The following CEP350 variants were observed in gnomAD, a reference collection of about 807,000 sequenced individuals.
CEP350 encodes centrosome-associated protein 350.
A neutral mutation model predicts 331.8 loss-of-function variants in CEP350; 126 were observed. The observed-to-expected ratio is 0.38, with a 90% CI of 0.33 to 0.44. CEP350 has a LOEUF of 0.44. Among genes scored for constraint, CEP350 ranks in the 20% least tolerant of loss-of-function variants. CEP350 has a pLI of 1.00. For synonymous variants in CEP350, 1,200 were observed against 1,259.5 expected (o/e 0.95, Z 1.00); for missense variants, 3,406 against 3,634.6 (o/e 0.94, Z 1.62).
rs773795956 is a variant in CEP350, at chr1:180,015,834, G to A, written c.2053-15G>A. On this transcript the variant is annotated splice_polypyrimidine_tract_variant and intron_variant, in intron 10 of 37. Coordinates refer to ENST00000367607, the MANE Select transcript of CEP350 (RefSeq NM_014810.5). ...GTGACAGAACTCATATAAATTTGAT[G>A]TCCTTTTCTCCTAGGCCAAACCAGG... 3.7e-6 allele frequency: 6 copies of A among 1,609,140 alleles called. No homozygotes were observed. Among genetic ancestry groups the A allele is most frequent in the South Asian group, 1.1e-5 (1 of 90,304 alleles).
chr1:179,991,699 G>GTGTGTA (rs1653094608), intron 4 of CEP350, among the ~76,000 whole-genome samples: 1 of 131,968 alleles, frequency 7.6e-6, no homozygotes, highest in African/African-American at 2.8e-5. Flanking sequence ...GTGTGTGTGT[G>GTGTGTA]TGTGTGTGTA....
In CEP350 at chr1:180,013,872, T is replaced by C. The variant is rs1174387598; in HGVS notation, c.1419T>C (p.Ser473=). ...GGGGTCACATTGGAAGAGCAGAATCTGATCCCAGGTTGGACGTTTTACATA... is the reference window on the plus strand; with the variant it reads ...GGGGTCACATTGGAAGAGCAGAATCCGATCCCAGGTTGGACGTTTTACATA... ...KSGGHIGRAE[S]DPRLDVLHRH... The change falls in exon 10 of 38, where the codon TCT becomes TCC. Residue 473 remains serine (S), a synonymous_variant. Coordinates refer to ENST00000367607, the MANE Select transcript of CEP350 (RefSeq NM_014810.5). The C allele has an allele frequency of 1.2e-6, 2 of 1,611,702 alleles. No homozygotes were observed. Among genetic ancestry groups the C allele is most frequent in the Admixed American group, 1.7e-5 (1 of 59,606 alleles).
rs992750325 is a variant in CEP350 at position 179,970,043 on chromosome 1, A to G, written c.-14+14901A>G. 4.6e-5 allele frequency among the ~76,000 whole-genome samples: 7 copies of G among 152,148 alleles called. 1 individual carries two copies. The highest frequency in any genetic ancestry group is 3.9e-4 in the Admixed American group (6 of 15,268). On this transcript the variant is annotated intron_variant, in intron 1 of 37. Coordinates refer to ENST00000367607, the MANE Select transcript of CEP350 (RefSeq NM_014810.5). ...AGTGAGTAAGCAAAAGTGTAGGCCTATTTTTAGGGCTCCCCCCTTCTTTTG... is the reference window on the plus strand; with the variant it reads ...AGTGAGTAAGCAAAAGTGTAGGCCTGTTTTTAGGGCTCCCCCCTTCTTTTG...
intron 10 of CEP350, among the ~76,000 whole-genome samples, chr1:180,014,941 A>T (rs998616334): frequency 6.6e-6 from 1 of 152,224 alleles, no homozygotes; most frequent in African/African-American, 2.4e-5. Context: ...CACATATTTT[A>T]TATGTTGTCT....
rs1169570765 is a variant in CEP350, at chr1:180,084,195, AGGG to A, written c.6285+20_6285+22del. On this transcript the variant is annotated intron_variant, in intron 31 of 37. Coordinates refer to ENST00000367607, the MANE Select transcript of CEP350 (RefSeq NM_014810.5). ...CAGTTAGAGGTTAGACATAGGAAGA[AGGG>A]GGTTTAGTATCAAGGCTAATGTGTA... The A allele has an allele frequency of 1.1e-5, 18 of 1,568,256 alleles. No individual in the cohort carries two copies. Among genetic ancestry groups the A allele is most frequent in the Non-Finnish European group, 1.5e-5 (17 of 1,158,958 alleles).
At chr1:180,006,392 G>T in intron 7 of CEP350, 62 bp from the exon 8 acceptor site, 1 of 843,202 alleles carries the variant, frequency 1.2e-6, no homozygotes, top group East Asian at 2.7e-5. Flanking sequence ...TCCTATGGGC[G>T]GAGGATAAGT....
chr1:180,106,867 A>C (rs191680569), intron 37 of CEP350, among the ~76,000 whole-genome samples: 22 of 152,164 alleles, frequency 1.4e-4, no homozygotes, highest in Middle Eastern at 3.4e-3. Context: ...GAAAACCCCA[A>C]GACCAACCTG....
intron 22 of CEP350, among the ~76,000 whole-genome samples, chr1:180,049,059 A>G (rs1340242423): frequency 2.0e-5 from 3 of 152,076 alleles, no homozygotes; most frequent in Admixed American, 1.3e-4. Context: ...CAGAGCAAGA[A>G]CCTGTCTCAA....
At chr1:179,991,394 G>A (rs12135200) in intron 4 of CEP350, among the ~76,000 whole-genome samples, 227 of 140,992 alleles carry the variant, frequency 1.6e-3, no homozygotes, top group Middle Eastern at 4.0e-3. Context: ...TCTACTCACT[G>A]CAACCTCTAC....
In CEP350 at chr1:180,092,819, T is replaced by C; in HGVS notation, c.6714T>C (p.Thr2238=). Residue 2238 remains threonine, a synonymous_variant, in exon 34 of 38, where the codon ACT becomes ACC. Transcript: ENST00000367607. ...ALHLLKELNA[T]SRILDMSDGK... ...ATCTTCTCAAAGAATTAAATGCCAC[T>C]AGTAGAATTCTTGATATGTCAGATG... is the stretch of plus-strand genomic sequence containing the variant. The C allele has an allele frequency of 1.9e-6, 3 of 1,570,070 alleles. No homozygotes were observed. Among genetic ancestry groups the C allele is most frequent in the Non-Finnish European group, 2.6e-6 (3 of 1,155,948 alleles).
At chr1:180,034,673 C>T (rs1474540114) in intron 16 of CEP350, among the ~76,000 whole-genome samples, 5 of 152,044 alleles carry the variant, frequency 3.3e-5, no homozygotes, top group Non-Finnish European at 7.4e-5. Context: ...TGTTGTATTA[C>T]TAATTGTTTT....
At chr1:180,070,724 C>T (rs771027539) in intron 27 of CEP350, among the ~76,000 whole-genome samples, 1 of 152,164 alleles carries the variant, frequency 6.6e-6, no homozygotes, top group Admixed American at 6.5e-5. Flanking sequence ...AAATTGATGA[C>T]TTAAAGTTAT....
chr1:180,030,262 T>A (rs1655932064), intron 14 of CEP350, among the ~76,000 whole-genome samples: 1 of 147,478 alleles, frequency 6.8e-6, no homozygotes, highest in Non-Finnish European at 1.5e-5. Flanking sequence ...TTACAATAAA[T>A]TTTTACAAAA....
chr1:179,980,666 C>G (rs566057846), intron 1 of CEP350, among the ~76,000 whole-genome samples: 25 of 152,112 alleles, frequency 1.6e-4, no homozygotes, highest in African/African-American at 6.0e-4. Context: ...GTTAAGAATA[C>G]TTGTACTAGA....
chr1:179,988,617 A>G (rs1652819213), intron 3 of CEP350, among the ~76,000 whole-genome samples: 1 of 152,042 alleles, frequency 6.6e-6, no homozygotes, highest in Admixed American at 6.6e-5. Flanking sequence ...ATCTTGTCTA[A>G]AGTTTAGGAA....
chr1:180,036,608 A>G (rs1369621463), intron 16 of CEP350, among the ~76,000 whole-genome samples: 2 of 152,174 alleles, frequency 1.3e-5, no homozygotes, highest in South Asian at 2.1e-4. Context: ...TTAGCAATAC[A>G]GTATTTTTAA....
chr1:180,006,974 ATG>A (rs1188066383), intron 8 of CEP350, among the ~76,000 whole-genome samples: 1 of 152,098 alleles, frequency 6.6e-6, no homozygotes, highest in Admixed American at 6.6e-5. Context: ...ATTCCATGCT[ATG>A]TATGTGTCAC....
At chr1:180,035,367 A>C (rs962284057) in intron 16 of CEP350, among the ~76,000 whole-genome samples, 1 of 152,222 alleles carries the variant, frequency 6.6e-6, no homozygotes, top group African/African-American at 2.4e-5. Context: ...ACGTAGATGA[A>C]ATAACCTTAT....
chr1:180,011,913 C>T lies in CEP350; in HGVS notation c.1247-16C>T, dbSNP rs764407592. Reference sequence around the variant, plus strand: ...TAAAATTTAAGTTTTAATTTCAGTGCCATGTATTTTTTTAGGTAGTAGTCA... The same window carrying T: ...TAAAATTTAAGTTTTAATTTCAGTGTCATGTATTTTTTTAGGTAGTAGTCA... On this transcript the variant is annotated splice_polypyrimidine_tract_variant and intron_variant, in intron 8 of 37. Coordinates refer to ENST00000367607, the MANE Select transcript of CEP350 (RefSeq NM_014810.5). 1.9e-6 allele frequency: 3 copies of T among 1,557,738 alleles called. No homozygotes were observed. Among genetic ancestry groups the T allele is most frequent in the Non-Finnish European group, 8.7e-7 (1 of 1,148,486 alleles).
Sources: gnomAD v4.1 joint callset for allele counts (sites outside exome capture counted in the v4.1 genomes callset) on GRCh38, gnomAD v4.1.1 for gene constraint, MANE v1.5 for transcripts, NCBI Gene and HGNC (gene_info 2026-07-23, HGNC 2026-07-21) for gene names.